The following MAP3K12 variants were observed in gnomAD, a reference collection of about 807,000 sequenced individuals.
MAP3K12 encodes mitogen-activated protein kinase kinase kinase 12.
In MAP3K12, 14 loss-of-function variants were observed where a neutral mutation model predicts 87.5. That is an observed-to-expected ratio of 0.16 (90% CI 0.11 to 0.25). MAP3K12 has a LOEUF of 0.25. Among genes scored for constraint, MAP3K12 ranks in the 10% least tolerant of loss-of-function variants. The probability of loss-of-function intolerance (pLI) is 1.00; values close to 1 mark genes in which losing one functional copy is unlikely to be tolerated. For missense variants in MAP3K12, 802 were observed against 1,140.4 expected (o/e 0.70, Z 4.27); for synonymous variants, 469 against 452.5 (o/e 1.04, Z -0.46).
At chr12:53,500,549 C>G (rs1277306333), upstream of MAP3K12, 1 of 152,432 alleles carries the variant, frequency 6.6e-6, no homozygotes, top group East Asian at 1.9e-4. Flanking sequence ...AGGTGAAGGA[C>G]GACCTAGGAA....
Position 53,483,924 on chromosome 12 carries a change from T to G in MAP3K12, c.1345A>C (p.Arg449=), listed in dbSNP as rs774878044. ...ACGGGAACTCACCTGAGCTCCTCCC[T>G]CCTCCTCATCACCAGTTCCTCTTCT... The part of the protein sequence containing the change: ...RLEEELVMRR[R]EELRHALDIR... The change falls in exon 8 of 14, where the codon AGG becomes CGG. Residue 449 remains arginine (R), a synonymous_variant. Coordinates refer to ENST00000547488, the MANE Select transcript of MAP3K12 (RefSeq NM_001193511.2). 15 of 1,614,112 alleles carry G rather than the reference T, an allele frequency of 9.3e-6. No homozygotes were observed. Among genetic ancestry groups the G allele is most frequent in the Non-Finnish European group, 1.2e-5 (14 of 1,179,968 alleles).
chr12:53,486,902 G>C lies in MAP3K12; in HGVS notation c.445+45C>G, dbSNP rs557183087. ...TAGCGGAGCTGACCAACAGATCTCG[G>C]GCTCAGGGAAACAGAGAGGAGGCTC... is the stretch of plus-strand genomic sequence containing the variant. On this transcript the variant is annotated intron_variant, in intron 2 of 13. Coordinates refer to ENST00000547488, the MANE Select transcript of MAP3K12 (RefSeq NM_001193511.2). This position sits in a 1 kb window ranked among gnomAD's most constrained non-coding sequence, Gnocchi z 4.9. The C allele has an allele frequency of 1.2e-5, 19 of 1,602,766 alleles. 1 individual carries two copies. In the South Asian group the frequency reaches 2.1e-4, roughly 18 times the overall value.
chr12:53,485,941 G>A, intron 4 of MAP3K12, 115 bp downstream of exon 4: 1 of 935,676 alleles, frequency 1.1e-6, no homozygotes, highest in Admixed American at 2.6e-5. Context: ...ACTTGGAAGA[G>A]GTTTCTGAGA....
chr12:53,487,500 G>T lies in MAP3K12; in HGVS notation c.-37-72C>A, dbSNP rs369603595. 427 of 1,465,208 alleles carry T rather than the reference G, an allele frequency of 2.9e-4. 1 individual carries two copies. In the South Asian group the frequency reaches 5.7e-3, roughly 19 times the overall value. The allele number at this position is 1,465,208 out of a possible 1,614,324, so 90.8% of individuals were successfully genotyped here. A position where few individuals can be genotyped will look rare whatever the true frequency, so the allele number is the denominator to read the frequency against. On this transcript the variant is annotated intron_variant, in intron 1 of 13. Coordinates refer to ENST00000547488, the MANE Select transcript of MAP3K12 (RefSeq NM_001193511.2). ...CTGCCTGCTCAGGACACTTATCCCA[G>T]AGGCACAGACTGGGGTGCTGGGTTC...
chr12:53,499,912 GGA>G (rs975487841), upstream of MAP3K12: 3 of 152,226 alleles, frequency 2.0e-5, no homozygotes, highest in African/African-American at 4.8e-5. Flanking sequence ...TTTCTACATC[GGA>G]GAGAGCAGCC....
rs1309869147 is a variant in MAP3K12, at chr12:53,483,995, A to C, written c.1274T>G (p.Leu425Arg). The C allele has an allele frequency of 3.7e-6, 6 of 1,613,724 alleles. No homozygotes were observed. In the East Asian group the frequency reaches 1.1e-4, roughly 30 times the overall value. Residue 425 changes from leucine (L) to arginine (R), a missense_variant, in exon 8 of 14, where the codon CTG becomes CGG. Physicochemically the swap from Leu to Arg is moderately radical, Grantham distance 102 (BLOSUM62 -2). Around this residue, in one of 5 missense-constraint regions of MAP3K12, gnomAD observed 99 missense variants for 193.4 expected, o/e 0.51. Coordinates refer to ENST00000547488, the MANE Select transcript of MAP3K12 (RefSeq NM_001193511.2). ...SQAEWREEVKLHFEKIKSEGT... is the reference protein window; with the variant it reads ...SQAEWREEVKRHFEKIKSEGT... ...TTCTGACTTAATCTTTTCAAAGTGC[A>C]GTTTTACTTCTTCCCGCCACTCTGC...
rs1943164335 is a variant in MAP3K12, at chr12:53,484,263, C to T, written c.1242G>A (p.Lys414=). Residue 414 remains lysine (K), a synonymous_variant, in exon 7 of 14, where the codon AAG becomes AAA. Transcript: ENST00000547488. ...TTTCCTACCCACAGCACACCTGGGA[C>T]TTAAAGTAAGTCTCCTGGGGTGTGG... is the stretch of plus-strand genomic sequence containing the variant. ...VLSTPQETYF[K]SQAEWREEVK... is the part of the protein sequence containing the mutation. The T allele has an allele frequency of 6.2e-7, 1 of 1,613,686 alleles. No individual in the cohort carries two copies. Among genetic ancestry groups the T allele is most frequent in the South Asian group, 1.1e-5 (1 of 91,076 alleles).
In MAP3K12 at chr12:53,487,347, C is replaced by T; in HGVS notation, c.45G>A (p.Gly15=). The change falls in exon 2 of 14, where the codon GGG becomes GGA. Residue 15 remains glycine (G), a synonymous_variant. Coordinates refer to ENST00000547488, the MANE Select transcript of MAP3K12 (RefSeq NM_001193511.2). ...CCTCACTTAGGGTAGACACAAAGCC[C>T]CCAAAGGAAGGAGAGGGTGTTCGGG... The part of the protein sequence containing the change: ...HETRTPSPSF[G]GFVSTLSEAS... 1.2e-6 allele frequency: 2 copies of T among 1,613,794 alleles called. No homozygotes were observed. The highest frequency in any genetic ancestry group is 1.7e-6 in the Non-Finnish European group (2 of 1,179,834).
chr12:53,484,899 TG>T, intron 6 of MAP3K12, 156 bp downstream of exon 6: 1 of 871,930 alleles, frequency 1.1e-6, no homozygotes, highest in Non-Finnish European at 1.8e-6. Context: ...CAATTACCCC[TG>T]GTGACTCAGC....
chr12:53,485,076 C>T lies in MAP3K12; in HGVS notation c.1119G>A (p.Lys373=). ...PVPSSCPDGF[K]ILLRQCWNSK... ...CTTACCAGCACTGGCGAAGCAGGAT[C>T]TTGAAACCATCTGGGCAACTGGAGG... The change falls in exon 6 of 14, where the codon AAG becomes AAA. Residue 373 remains lysine (K), a synonymous_variant. Coordinates refer to ENST00000547488, the MANE Select transcript of MAP3K12 (RefSeq NM_001193511.2). 6.2e-7 allele frequency: 1 copy of T among 1,614,202 alleles called. No homozygotes were observed. The highest frequency in any genetic ancestry group is 1.1e-5 in the South Asian group (1 of 91,074).
chr12:53,483,086 T>C lies in MAP3K12; in HGVS notation c.1717A>G (p.Ser573Gly). Reference protein sequence around the residue: ...CPKGPPSPGRSRRGKTRHRKA... With the variant: ...CPKGPPSPGRGRRGKTRHRKA... ...CGGTGACGGGTCTTGCCACGGCGAC[T>C]CCGTCCTGGTGAGGGGGGGCCCTTA... is the stretch of plus-strand genomic sequence containing the variant. Residue 573 changes from serine to glycine, a missense_variant, in exon 11 of 14, where the codon AGT (serine) becomes GGT (glycine). This residue lies in a region of MAP3K12 where 490 missense variants were observed against 496.6 expected (regional missense o/e 0.99). Coordinates refer to ENST00000547488, the MANE Select transcript of MAP3K12 (RefSeq NM_001193511.2). The C allele has an allele frequency of 1.3e-6, 2 of 1,534,660 alleles. No homozygotes were observed. The highest frequency in any genetic ancestry group is 1.8e-6 in the Non-Finnish European group (2 of 1,142,772).
At chr12:53,488,819 C>A (rs1943318681) in intron 1 of MAP3K12, among the ~76,000 whole-genome samples, 1 of 151,990 alleles carries the variant, frequency 6.6e-6, no homozygotes, top group Non-Finnish European at 1.5e-5. Flanking sequence ...GTGGCTCACG[C>A]CTGTAATCCT....
At chr12:53,491,031 G>A (rs1209464166) in intron 1 of MAP3K12, among the ~76,000 whole-genome samples, 1 of 152,038 alleles carries the variant, frequency 6.6e-6, no homozygotes, top group East Asian at 1.9e-4. Flanking sequence ...GCTCACGCCT[G>A]TAATCTAGCA....
intron 1 of MAP3K12, chr12:53,487,696 GC>G (rs1360602326): frequency 3.1e-5 from 11 of 357,766 alleles, no homozygotes; most frequent in African/African-American, 2.3e-4. Context: ...TCAGGTAACA[GC>G]CCCACGTGGG....
chr12:53,486,708 G>T lies in MAP3K12; in HGVS notation c.446-86C>A. The T allele has an allele frequency of 1.4e-6, 2 of 1,462,438 alleles. No individual in the cohort carries two copies. The highest frequency in any genetic ancestry group is 1.8e-6 in the Non-Finnish European group (2 of 1,112,100). 90.6% of individuals were successfully genotyped at this position (1,462,438 alleles called of 1,614,324 possible). On this transcript the variant is annotated intron_variant, in intron 2 of 13. Transcript: ENST00000547488. This position sits in a 1 kb window ranked among gnomAD's most constrained non-coding sequence, Gnocchi z 4.9. ...AGGATAGCATTGGGTTGGCTGAATT[G>T]ACTTAAGGAGGGTGAGGCAGAAAGC... is the stretch of plus-strand genomic sequence containing the variant.
chr12:53,498,786 A>C (rs1166192660), intron 1 of MAP3K12, among the ~76,000 whole-genome samples: 1 of 151,806 alleles, frequency 6.6e-6, no homozygotes, highest in Non-Finnish European at 1.5e-5. Context: ...GGTGAATGCC[A>C]CAGCTGGAGG....
At chr12:53,491,036 C>G (rs1943384334) in intron 1 of MAP3K12, among the ~76,000 whole-genome samples, 1 of 152,050 alleles carries the variant, frequency 6.6e-6, no homozygotes, top group African/African-American at 2.4e-5. Flanking sequence ...CGCCTGTAAT[C>G]TAGCACTTTC....
At chr12:53,481,335 A>G in intron 13 of MAP3K12, 55 bp from the exon 14 acceptor site, 1 of 1,003,622 alleles carries the variant, frequency 1.0e-6, no homozygotes, top group Non-Finnish European at 1.4e-6. Context: ...TGCTGGGGTC[A>G]TTTTAATAGC....
intron 1 of MAP3K12, among the ~76,000 whole-genome samples, chr12:53,489,153 GAAACAAAC>G (rs111648716): frequency 6.8e-6 from 1 of 146,456 alleles, no homozygotes; most frequent in Non-Finnish European, 1.5e-5. Flanking sequence ...ACCAAAAATA[GAAACAAAC>G]AAACAAACAA....
Sources: allele counts gnomAD v4.1 joint callset (sites outside exome capture counted in the v4.1 genomes callset), GRCh38; gene constraint gnomAD v4.1.1; regional missense constraint gnomAD v4.1.1; non-coding constraint Gnocchi (gnomAD v3.1); transcripts MANE v1.5; gene names NCBI Gene and HGNC (gene_info 2026-07-23, HGNC 2026-07-21).